ARNT2: variants seen among roughly 807,000 people sequenced by gnomAD.
ARNT2 encodes the protein aryl hydrocarbon receptor nuclear translocator 2.
Under a neutral mutation model 91.7 loss-of-function variants are expected in ARNT2, and 36 were observed. That is an observed-to-expected ratio of 0.39 (90% CI 0.30 to 0.52). The LOEUF (loss-of-function observed/expected upper bound fraction) is 0.52. ARNT2 is among the 20% of genes least tolerant of loss of function. The pLI, the probability that ARNT2 is intolerant of heterozygous loss-of-function variation, is 0.72. For missense variants in ARNT2, 775 were observed against 939.3 expected, an observed-to-expected ratio of 0.83 and a Z score of 2.29; for synonymous variants, 365 against 347.1, an observed-to-expected ratio of 1.05 and a Z score of -0.57.
chr15:80,423,532 G>T (rs1895890095), intron 1 of ARNT2, among the ~76,000 whole-genome samples: 1 of 152,152 alleles, frequency 6.6e-6, no homozygotes, highest in South Asian at 2.1e-4. Context: ...GATTTCCCAA[G>T]GTTGAGCTAT....
chr15:80,574,263 G>A, intron 13 of ARNT2, 43 bp downstream of exon 13: 1 of 1,580,712 alleles, frequency 6.3e-7, no homozygotes, highest in Non-Finnish European at 8.7e-7. Flanking sequence ...ATTGTCTCCA[G>A]CCCAATGGAC....
intron 8 of ARNT2, among the ~76,000 whole-genome samples, chr15:80,532,251 C>T (rs1897752135): frequency 6.6e-6 from 1 of 152,108 alleles, no homozygotes; most frequent in Non-Finnish European, 1.5e-5. Flanking sequence ...TGAGTCAGGA[C>T]ACCTCTTTGG....
chr15:80,446,387 T>C (rs1207548829), intron 1 of ARNT2, among the ~76,000 whole-genome samples: 2 of 152,176 alleles, frequency 1.3e-5, no homozygotes, highest in Non-Finnish European at 2.9e-5. Flanking sequence ...GTTCAATAGC[T>C]TGCGCACGGA....
intron 1 of ARNT2, among the ~76,000 whole-genome samples, chr15:80,408,872 T>A (rs1316337980): frequency 6.6e-6 from 1 of 152,198 alleles, no homozygotes; most frequent in East Asian, 1.9e-4. Context: ...TATATATTTA[T>A]TTTAATTAAT....
intron 5 of ARNT2, among the ~76,000 whole-genome samples, chr15:80,501,291 T>G (rs1239455749): frequency 6.6e-6 from 1 of 152,062 alleles, no homozygotes; most frequent in African/African-American, 2.4e-5. Context: ...TAAAATGAGG[T>G]TTGTGATGAA....
chr15:80,541,278 T>C (rs142375741), intron 8 of ARNT2, among the ~76,000 whole-genome samples: 84 of 152,340 alleles, frequency 5.5e-4, no homozygotes, highest in Middle Eastern at 6.8e-3. Flanking sequence ...TGGCTACTTG[T>C]ATGTCTTCTT....
rs1489698095 is a variant in ARNT2 at position 80,576,924 on chromosome 15, A to C, written c.1572A>C (p.Gln524His). ...CAGGAACCCAGCAGATCTACTCCCA[A>C]GGAAGCCCATTTCCCTCTGGACACT... ...SAAGTQQIYS[Q>H]GSPFPSGHSG... The change falls in exon 15 of 19, where the codon CAA becomes CAC. Residue 524 changes from glutamine to histidine, a missense_variant. By Grantham distance (24) the Gln-to-His change is conservative. This residue lies in a region of ARNT2 where 325 missense variants were observed against 359.9 expected (regional missense o/e 0.90). Coordinates refer to ENST00000303329, the MANE Select transcript of ARNT2 (RefSeq NM_014862.4). 5.6e-6 allele frequency: 9 copies of C among 1,613,988 alleles called. No homozygotes were observed. The highest frequency in any genetic ancestry group is 1.3e-5 in the African/African-American group (1 of 74,942).
At chr15:80,452,531 G>A (rs1225722920) in intron 2 of ARNT2, among the ~76,000 whole-genome samples, 1 of 152,184 alleles carries the variant, frequency 6.6e-6, no homozygotes, top group Non-Finnish European at 1.5e-5. Flanking sequence ...CAACTTAATT[G>A]ATTTTTTTTA....
At chr15:80,533,438 C>A (rs1897772410) in intron 8 of ARNT2, among the ~76,000 whole-genome samples, 1 of 152,084 alleles carries the variant, frequency 6.6e-6, no homozygotes, top group Admixed American at 6.5e-5. Context: ...CACAAGCCAG[C>A]CTGGGGTGCC....
intron 5 of ARNT2, chr15:80,488,728 T>C (rs1225084431): frequency 6.6e-6 from 1 of 152,044 alleles, no homozygotes; most frequent in Non-Finnish European, 1.5e-5. Flanking sequence ...TAAAATAAAA[T>C]AATACAACCT....
In ARNT2 at chr15:80,519,108, A is replaced by T. The variant is rs144747486; in HGVS notation, c.877+4703A>T. Among the ~76,000 whole-genome samples, 19 of 152,312 alleles carry T rather than the reference A, an allele frequency of 1.2e-4. No individual in the cohort carries two copies. The East Asian group carries it at 1.3e-3, about 11-fold the overall frequency. ...CAACACGTATTTGTTGACCACCTAC[A>T]ATGTATGTGCGAGGCATTGTTCCAG... is the stretch of plus-strand genomic sequence containing the variant. On this transcript the variant is annotated intron_variant, in intron 8 of 18. Transcript: ENST00000303329.
At chr15:80,454,377 C>G (rs1005139529) in intron 2 of ARNT2, among the ~76,000 whole-genome samples, 1 of 152,150 alleles carries the variant, frequency 6.6e-6, no homozygotes, top group Non-Finnish European at 1.5e-5. Flanking sequence ...ATGTGTCAGT[C>G]CCTTTCCACT....
chr15:80,575,248 A>G, intron 14 of ARNT2, 138 bp downstream of exon 14: 1 of 1,200,590 alleles, frequency 8.3e-7, no homozygotes, highest in South Asian at 1.5e-5. Flanking sequence ...ATAAAAATAC[A>G]CGAGTTGGAA....
rs564727462 is a variant in ARNT2, at chr15:80,417,522, T to G, written c.31+12976T>G. ...CTCTCCTTCCCATCCCCCCTCTGCT[T>G]CTTCTCCTCCCTCCTCCTTCTCTTC... On this transcript the variant is annotated intron_variant, in intron 1 of 18. Coordinates refer to ENST00000303329, the MANE Select transcript of ARNT2 (RefSeq NM_014862.4). Among the ~76,000 whole-genome samples the G allele has an allele frequency of 5.4e-5, 8 of 148,648 alleles. No individual in the cohort carries two copies. In the East Asian group the frequency reaches 1.3e-3, roughly 24 times the overall value.
At chr15:80,492,002 T>C (rs1897063908) in intron 5 of ARNT2, among the ~76,000 whole-genome samples, 1 of 152,160 alleles carries the variant, frequency 6.6e-6, no homozygotes, top group South Asian at 2.1e-4. Context: ...TTCTGGACTC[T>C]GTGCTATTCT....
chr15:80,464,623 G>A (rs552507404), intron 3 of ARNT2, among the ~76,000 whole-genome samples: 1 of 152,306 alleles, frequency 6.6e-6, no homozygotes, highest in East Asian at 1.9e-4. Flanking sequence ...GCAACCCTCT[G>A]CCCTTCCTGG....
Position 80,597,387 on chromosome 15 carries a change from C to A in ARNT2, c.*3689C>A. The stretch of plus-strand genomic sequence containing the variant: ...CCTTTATATTACCAGAAAATATGGG[C>A]TTGGCCTAAGTCGCTGTCTCCTAAC... On this transcript the variant is annotated 3_prime_UTR_variant, in exon 19 of 19. Transcript: ENST00000303329. 2.1e-6 allele frequency: 1 copy of A among 479,578 alleles called. No individual in the cohort carries two copies. Among genetic ancestry groups the A allele is most frequent in the Non-Finnish European group, 4.2e-6 (1 of 238,834 alleles). The allele number at this position is 479,578 out of a possible 1,614,324, so 29.7% of individuals were successfully genotyped here. A position where few individuals can be genotyped will look rare whatever the true frequency, so the allele number is the denominator to read the frequency against.
chr15:80,528,031 C>A (rs908056288), intron 8 of ARNT2, among the ~76,000 whole-genome samples: 1 of 152,104 alleles, frequency 6.6e-6, no homozygotes, highest in Non-Finnish European at 1.5e-5. Context: ...CAGGAATAGG[C>A]CTGAAAGCAA....
At chr15:80,555,179 C>T (rs1898157402) in intron 11 of ARNT2, 40 bp downstream of exon 11, 1 of 1,598,606 alleles carries the variant, frequency 6.3e-7, no homozygotes, top group Non-Finnish European at 8.6e-7. Flanking sequence ...GATGCATAGT[C>T]TGGGCACCTG....
Sources: allele counts gnomAD v4.1 joint callset (sites outside exome capture counted in the v4.1 genomes callset), GRCh38; gene constraint gnomAD v4.1.1; regional missense constraint gnomAD v4.1.1; transcripts MANE v1.5; gene names NCBI Gene and HGNC (gene_info 2026-07-23, HGNC 2026-07-21).